FYB2: variants seen among roughly 807,000 people sequenced by gnomAD.
FYB2 encodes FYN-binding protein 2.
FYB2 carries 103 observed loss-of-function variants against 94.1 expected under a neutral mutation model. The observed-to-expected ratio is 1.09, with a 90% CI of 0.93 to 1.29. FYB2 has a LOEUF of 1.29. FYB2 is among the 50% of genes most tolerant of loss of function. The probability of loss-of-function intolerance (pLI) is 0.00; values close to 1 mark genes in which losing one functional copy is unlikely to be tolerated. For missense variants in FYB2, 896 were observed against 841.5 expected, an observed-to-expected ratio of 1.06 and a Z score of -0.80; for synonymous variants, 293 against 287.9, an observed-to-expected ratio of 1.02 and a Z score of -0.18.
intron 1 of FYB2, among the ~76,000 whole-genome samples, chr1:56,799,190 A>G (rs563287343): frequency 1.8e-4 from 28 of 152,334 alleles, no homozygotes; most frequent in African/African-American, 6.5e-4. Context: ...CCCAGTTTAC[A>G]TAGTTAGAGA....
intron 15 of FYB2, among the ~76,000 whole-genome samples, chr1:56,735,982 T>C (rs1287025989): frequency 6.6e-6 from 1 of 152,074 alleles, no homozygotes; most frequent in East Asian, 1.9e-4. Flanking sequence ...CACAAAGAAA[T>C]GATAAATGTT....
Position 56,726,509 on chromosome 1 carries a change from T to C in FYB2, c.1868A>G (p.Glu623Gly). The C allele has an allele frequency of 1.2e-6, 2 of 1,612,068 alleles. No individual in the cohort carries two copies. Among genetic ancestry groups the C allele is most frequent in the Non-Finnish European group, 1.7e-6 (2 of 1,178,868 alleles). Reference sequence around the variant, plus strand: ...TCTGTGTTCCCACCTTTCTGATTCTTCAGCACCGTTTTTCTCTTTTTTTTC... The same window carrying C: ...TCTGTGTTCCCACCTTTCTGATTCTCCAGCACCGTTTTTCTCTTTTTTTTC... Reference protein sequence around the residue: ...PKEKKEKNGAEESESFSPRNF... With the variant: ...PKEKKEKNGAGESESFSPRNF... The change falls in exon 16 of 20, where the codon GAA becomes GGA. Residue 623 changes from glutamate to glycine, a missense_variant. Transcript: ENST00000343433.
At chr1:56,722,775 T>A (rs929299206) in intron 17 of FYB2, among the ~76,000 whole-genome samples, 1 of 152,088 alleles carries the variant, frequency 6.6e-6, no homozygotes. Context: ...GAGCTTTCTA[T>A]GCCATGTTAA....
At position 56,741,365 on chromosome 1, in the gene FYB2, A is replaced by G. The variant is rs575345881; in HGVS notation, c.1605-570T>C. On this transcript the variant is annotated intron_variant, in intron 12 of 19. Coordinates refer to ENST00000343433, the MANE Select transcript of FYB2 (RefSeq NM_001004303.5). ...AAGATAACTCAGGGAAATGTACTTT[A>G]CAAACTGTGCTAGAAATACGTTATA... Among the ~76,000 whole-genome samples the G allele has an allele frequency of 3.3e-5, 5 of 152,224 alleles. No homozygotes were observed. The South Asian group carries it at 1.0e-3, about 32-fold the overall frequency.
At chr1:56,749,464 C>T (rs111935015) in intron 9 of FYB2, among the ~76,000 whole-genome samples, 13 of 151,996 alleles carry the variant, frequency 8.6e-5, no homozygotes, top group African/African-American at 3.1e-4. Context: ...ATTTTCTCTT[C>T]AACTATAGGT....
At chr1:56,748,759 A>G (rs1439816568) in intron 9 of FYB2, among the ~76,000 whole-genome samples, 1 of 151,864 alleles carries the variant, frequency 6.6e-6, no homozygotes, top group Non-Finnish European at 1.5e-5. Context: ...TCCTTCCTCA[A>G]TTTGACGTTA....
intron 7 of FYB2, 90 bp downstream of exon 7, chr1:56,755,806 A>C (rs1645314720): frequency 7.7e-7 from 1 of 1,305,096 alleles, no homozygotes. Flanking sequence ...CTCAGTTTGG[A>C]AACATAGCTG....
At chr1:56,791,062 C>T (rs943516459) in intron 2 of FYB2, among the ~76,000 whole-genome samples, 8 of 151,972 alleles carry the variant, frequency 5.3e-5, no homozygotes, top group African/African-American at 1.9e-4. Context: ...CATGCAGGGC[C>T]ATGAAGACCA....
At chr1:56,780,960 G>A (rs1168333220) in intron 4 of FYB2, among the ~76,000 whole-genome samples, 1 of 152,142 alleles carries the variant, frequency 6.6e-6, no homozygotes, top group Admixed American at 6.5e-5. Flanking sequence ...CTTTCCTGTA[G>A]CGATTCAATT....
At chr1:56,812,286 C>T (rs986563739) in intron 1 of FYB2, among the ~76,000 whole-genome samples, 2 of 152,076 alleles carry the variant, frequency 1.3e-5, no homozygotes, top group Admixed American at 1.3e-4. Flanking sequence ...ATTCAGGTTT[C>T]CAGTTTAAAG....
chr1:56,737,057 C>T (rs773397860), intron 15 of FYB2, 30 bp downstream of exon 15: 29 of 1,504,264 alleles, frequency 1.9e-5, no homozygotes, highest in Non-Finnish European at 2.5e-5. Flanking sequence ...CAAATATCAG[C>T]AGGGATGACC....
Position 56,757,673 on chromosome 1 carries a change from T to TTC in FYB2, c.1098+1042_1098+1043insGA, listed in dbSNP as rs1557616767. ...TCTTTCTTTCTTTTTCTTTCTTTCC[T>TTC]CTTTCCTTCCTTCCTTCTTTCTTTC... On this transcript the variant is annotated intron_variant, in intron 6 of 19. Transcript: ENST00000343433. Among the ~76,000 whole-genome samples, 55 of 82,938 alleles carry TTC rather than the reference T, an allele frequency of 6.6e-4. 1 individual carries two copies. Among genetic ancestry groups the TTC allele is most frequent in the African/African-American group, 3.0e-3 (47 of 15,840 alleles). The allele number at this position is 82,938 out of a possible 152,430, so 54.4% of individuals were successfully genotyped here. A position where few individuals can be genotyped will look rare whatever the true frequency, so the allele number is the denominator to read the frequency against.
intron 15 of FYB2, among the ~76,000 whole-genome samples, chr1:56,733,896 T>C (rs1644769742): frequency 6.6e-6 from 1 of 152,190 alleles, no homozygotes; most frequent in African/African-American, 2.4e-5. Context: ...TCTGTTGATT[T>C]GGGGTGGAGA....
chr1:56,814,762 C>T (rs1646842917), intron 1 of FYB2, among the ~76,000 whole-genome samples: 1 of 152,184 alleles, frequency 6.6e-6, no homozygotes, highest in Non-Finnish European at 1.5e-5. Context: ...CCTTATAGTA[C>T]AGATCCTCTC....
At chr1:56,807,237 A>T (rs1477375325) in intron 1 of FYB2, among the ~76,000 whole-genome samples, 2 of 152,228 alleles carry the variant, frequency 1.3e-5, no homozygotes, top group Non-Finnish European at 2.9e-5. Flanking sequence ...CTGAAAAAAG[A>T]AGGGTTGAAT....
In FYB2 at chr1:56,766,629, G is replaced by A. The variant is rs531278998; in HGVS notation, c.1063+1200C>T. On this transcript the variant is annotated intron_variant, in intron 5 of 19. Coordinates refer to ENST00000343433, the MANE Select transcript of FYB2 (RefSeq NM_001004303.5). ...ATTTTTTGTATTTTTAGTAGAGACG[G>A]GGTTTCACCGTGTTAGCCAGGATGG... is the stretch of plus-strand genomic sequence containing the variant. Among the ~76,000 whole-genome samples the A allele has an allele frequency of 1.4e-4, 21 of 152,134 alleles. 1 individual carries two copies. Among genetic ancestry groups the A allele is most frequent in the Non-Finnish European group, 7.4e-5 (5 of 67,996 alleles).
intron 1 of FYB2, among the ~76,000 whole-genome samples, chr1:56,814,244 C>A (rs1008655941): frequency 2.6e-5 from 4 of 152,174 alleles, no homozygotes; most frequent in African/African-American, 9.7e-5. Context: ...GGGCAGGCAC[C>A]AGAGTGCCTC....
At chr1:56,725,483 T>G (rs985082741) in intron 16 of FYB2, among the ~76,000 whole-genome samples, 7 of 152,056 alleles carry the variant, frequency 4.6e-5, no homozygotes, top group Non-Finnish European at 1.0e-4. Flanking sequence ...GAAAATTGTT[T>G]CCTAAGAAGA....
intron 8 of FYB2, among the ~76,000 whole-genome samples, chr1:56,753,289 C>T (rs1046304592): frequency 6.6e-6 from 1 of 152,002 alleles, no homozygotes; most frequent in Non-Finnish European, 1.5e-5. Context: ...CACACATTCA[C>T]CATATTTAAT....
Sources: allele counts gnomAD v4.1 joint callset (sites outside exome capture counted in the v4.1 genomes callset), GRCh38; gene constraint gnomAD v4.1.1; transcripts MANE v1.5; gene names NCBI Gene and HGNC (gene_info 2026-07-23, HGNC 2026-07-21).